Variants in NEK5 observed in about 807,000 individuals in gnomAD.
NEK5 encodes serine/threonine-protein kinase Nek5.
A neutral mutation model predicts 109.2 loss-of-function variants in NEK5; 88 were observed. The ratio of observed to expected loss-of-function variants is 0.81; its 90% CI spans 0.68 to 0.96. NEK5 has a LOEUF of 0.96. Among genes scored for constraint, NEK5 ranks in the 40% least tolerant of loss-of-function variants. The pLI, the probability that NEK5 is intolerant of heterozygous loss-of-function variation, is 0.00. For missense variants in NEK5, 834 were observed against 920.7 expected (o/e 0.91, Z 1.22); for synonymous variants, 283 against 299.9 (o/e 0.94, Z 0.58).
chr13:52,101,402 A>G (rs975040556), intron 11 of NEK5, among the ~76,000 whole-genome samples: 19 of 146,910 alleles, frequency 1.3e-4, no homozygotes, highest in African/African-American at 2.0e-4. Flanking sequence ...TCCGTCTCGG[A>G]AAAAAAAAAA....
At chr13:52,041,146 C>G (rs535422739) in intron 23 of NEK5, among the ~76,000 whole-genome samples, 1 of 152,066 alleles carries the variant, frequency 6.6e-6, no homozygotes, top group Non-Finnish European at 1.5e-5. Flanking sequence ...ATTCTAACAC[C>G]TGAATAAATC....
At chr13:52,062,429 TTCTTTTTTTTTTTGAGACAGAGTCTCAC>T in intron 21 of NEK5, among the ~76,000 whole-genome samples, 1 of 151,940 alleles carries the variant, frequency 6.6e-6, no homozygotes, top group African/African-American at 2.4e-5. Context: ...TTTTCTTTCT[TTCTTTTTTTTTTTGAGACAGAGTCTCAC>T]TCTGTCAGCC....
rs754257592 is a variant in NEK5, at chr13:52,089,275, T to G, written c.1247A>C (p.Gln416Pro). 6.2e-7 allele frequency: 1 copy of G among 1,607,188 alleles called. No homozygotes were observed. Among genetic ancestry groups the G allele is most frequent in the Non-Finnish European group, 8.5e-7 (1 of 1,174,138 alleles). The stretch of plus-strand genomic sequence containing the variant: ...TTGCTTCTCCACTTTCAACTTATAT[T>G]GTTGAGCTTCAAATTTTCTCTGAAG... ...EYLQRKFEAQQYKLKVEKQLG... is the reference protein window; with the variant it reads ...EYLQRKFEAQPYKLKVEKQLG... The change falls in exon 14 of 24, where the codon CAA (glutamine) becomes CCA (proline). Residue 416 changes from glutamine to proline, a missense_variant. By Grantham distance (76) the Gln-to-Pro change is moderately conservative (BLOSUM62 -1). Coordinates refer to ENST00000684899, the MANE Select transcript of NEK5 (RefSeq NM_001365552.1).
chr13:52,069,773 T>C (rs1954755886), intron 20 of NEK5, among the ~76,000 whole-genome samples: 1 of 152,182 alleles, frequency 6.6e-6, no homozygotes, highest in Non-Finnish European at 1.5e-5. Context: ...TCTCCTGCCT[T>C]CAGTCTTGCC....
At chr13:52,052,937 T>G (rs1213271480) in intron 22 of NEK5, among the ~76,000 whole-genome samples, 1 of 152,136 alleles carries the variant, frequency 6.6e-6, no homozygotes, top group Non-Finnish European at 1.5e-5. Context: ...AAATTTAGGG[T>G]TGGCTTGCTA....
intron 19 of NEK5, among the ~76,000 whole-genome samples, chr13:52,073,627 A>G (rs2137805226): frequency 6.6e-6 from 1 of 152,174 alleles, no homozygotes; most frequent in African/African-American, 2.4e-5. Flanking sequence ...TGAGCACCAA[A>G]CATTTTTCTA....
intron 22 of NEK5, among the ~76,000 whole-genome samples, chr13:52,055,706 T>C (rs1354588326): frequency 6.6e-6 from 1 of 151,914 alleles, no homozygotes; most frequent in East Asian, 1.9e-4. Context: ...CTAAGCTTCA[T>C]AAGTGAAGGA....
chr13:52,046,707 G>A (rs1954462752), intron 23 of NEK5, among the ~76,000 whole-genome samples: 1 of 151,582 alleles, frequency 6.6e-6, no homozygotes, highest in South Asian at 2.1e-4. Context: ...CTCCAACCTG[G>A]GTGATAGACG....
intron 3 of NEK5, among the ~76,000 whole-genome samples, chr13:52,121,745 T>C (rs1453582138): frequency 6.6e-6 from 1 of 152,200 alleles, no homozygotes; most frequent in East Asian, 1.9e-4. Flanking sequence ...TAGGGATAAC[T>C]GTTGTTAATA....
Position 52,044,138 on chromosome 13 carries a change from T to C in NEK5, c.2228+5966A>G, listed in dbSNP as rs543829650. Among the ~76,000 whole-genome samples, 10 of 152,368 alleles carry C rather than the reference T, an allele frequency of 6.6e-5. No individual in the cohort carries two copies. The East Asian group carries it at 1.9e-3, about 29-fold the overall frequency. On this transcript the variant is annotated intron_variant, in intron 23 of 23. Coordinates refer to ENST00000684899, the MANE Select transcript of NEK5 (RefSeq NM_001365552.1). ...AGCTTCGCAGCCTACAGCTTTCTCC[T>C]ATGCTGGATGCTTCCTGCCCTCGAA...
At chr13:52,065,809 A>G (rs1954680806) in intron 20 of NEK5, among the ~76,000 whole-genome samples, 200 bp from the exon 21 acceptor site, 1 of 152,236 alleles carries the variant, frequency 6.6e-6, no homozygotes, top group Non-Finnish European at 1.5e-5. Flanking sequence ...TTAGTGTTTG[A>G]CTGACTAGCC....
At chr13:52,074,983 G>A (rs544588767) in intron 19 of NEK5, among the ~76,000 whole-genome samples, 44 of 152,272 alleles carry the variant, frequency 2.9e-4, no homozygotes, top group African/African-American at 9.9e-4. Flanking sequence ...AAATATTGGC[G>A]AGGCTGCAGA....
At chr13:52,072,987 T>C (rs953907924) in intron 19 of NEK5, among the ~76,000 whole-genome samples, 41 of 152,186 alleles carry the variant, frequency 2.7e-4, no homozygotes, top group African/African-American at 8.9e-4. Flanking sequence ...ATTTACTGTA[T>C]TTACTCCTTG....
chr13:52,086,309 C>A lies in NEK5; in HGVS notation c.1447G>T (p.Glu483Ter). The change falls in exon 16 of 24, where the codon GAA becomes TAA. Residue 483 changes from glutamate (E) to a stop codon, truncating the protein, a stop_gained. Transcript: ENST00000684899. LOFTEE classifies it high-confidence loss of function. ...IRQQYHNDMKEIRKKMGREPE... is the reference protein window; with the variant it reads ...IRQQYHNDMK The stretch of plus-strand genomic sequence containing the variant: ...TCTCTCCCCATCTTCTTTCTAATTT[C>A]TTTCATGTCATTGTGGTACTGTTGG... 2.5e-6 allele frequency: 4 copies of A among 1,612,258 alleles called. No homozygotes were observed. Among genetic ancestry groups the A allele is most frequent in the South Asian group, 2.2e-5 (2 of 91,042 alleles).
chr13:52,040,911 T>C (rs1954407980), intron 23 of NEK5, among the ~76,000 whole-genome samples: 1 of 152,152 alleles, frequency 6.6e-6, no homozygotes, highest in Non-Finnish European at 1.5e-5. Flanking sequence ...ATAAATGTCT[T>C]AGGGAGAATT....
At chr13:52,055,476 C>G (rs1954546075) in intron 22 of NEK5, among the ~76,000 whole-genome samples, 1 of 152,136 alleles carries the variant, frequency 6.6e-6, no homozygotes, top group Non-Finnish European at 1.5e-5. Context: ...TCGAGAAGAG[C>G]AACTCCAAGA....
chr13:52,046,557 C>G (rs920434571), intron 23 of NEK5, among the ~76,000 whole-genome samples: 2 of 150,948 alleles, frequency 1.3e-5, no homozygotes, highest in Non-Finnish European at 3.0e-5. Flanking sequence ...AACCTCATCT[C>G]TACAAAAAAT....
intron 23 of NEK5, among the ~76,000 whole-genome samples, chr13:52,042,264 GA>G: frequency 1.3e-5 from 2 of 150,950 alleles, no homozygotes; most frequent in Middle Eastern, 3.4e-3. Context: ...ACATCAACAA[GA>G]AAAAAACTGA....
At chr13:52,096,779 G>A (rs1448901021) in intron 12 of NEK5, among the ~76,000 whole-genome samples, 1 of 152,222 alleles carries the variant, frequency 6.6e-6, no homozygotes, top group Non-Finnish European at 1.5e-5. Context: ...ACCAGCTGCA[G>A]AAATTTTCAA....
Sources: allele counts gnomAD v4.1 joint callset (sites outside exome capture counted in the v4.1 genomes callset), GRCh38; gene constraint gnomAD v4.1.1; transcripts MANE v1.5; gene names NCBI Gene and HGNC (gene_info 2026-07-23, HGNC 2026-07-21).